Variants in FREM2 observed in about 807,000 individuals in gnomAD.
The protein encoded by FREM2 is FRAS1-related extracellular matrix protein 2.
A neutral mutation model predicts 219.9 loss-of-function variants in FREM2; 119 were observed. The ratio of observed to expected loss-of-function variants is 0.54; its 90% CI spans 0.47 to 0.63. The LOEUF is 0.63. Among genes scored for constraint, FREM2 ranks in the 30% least tolerant of loss-of-function variants. FREM2 has a pLI of 0.00. For missense variants in FREM2, 4,030 were observed against 3,993.6 expected, an observed-to-expected ratio of 1.01 and a Z score of -0.25; for synonymous variants, 1,562 against 1,522.8, an observed-to-expected ratio of 1.03 and a Z score of -0.60.
At chr13:38,802,464 C>T (rs2137852403) in intron 6 of FREM2, among the ~76,000 whole-genome samples, 1 of 152,258 alleles carries the variant, frequency 6.6e-6, no homozygotes, top group South Asian at 2.1e-4. Context: ...CACCTGTGGG[C>T]CTGCCACCAG....
At chr13:38,711,913 C>CTTTTT (rs1224297915) in intron 2 of FREM2, among the ~76,000 whole-genome samples, 7 of 107,552 alleles carry the variant, frequency 6.5e-5, no homozygotes, top group African/African-American at 2.7e-4. Context: ...CTGATAATTT[C>CTTTTT]TTTTTTTTTT....
intron 2 of FREM2, among the ~76,000 whole-genome samples, chr13:38,734,700 TA>T (rs147209270): frequency 0.056 from 8,236 of 148,372 alleles, 741 homozygotes; most frequent in African/African-American, 0.19. Flanking sequence ...TATATGTTCC[TA>T]AATGAAAATA....
At chr13:38,724,337 T>A (rs1465184729) in intron 2 of FREM2, among the ~76,000 whole-genome samples, 1 of 152,168 alleles carries the variant, frequency 6.6e-6, no homozygotes, top group African/African-American at 2.4e-5. Context: ...TATTTTGTGG[T>A]TTAAAGACAC....
At chr13:38,836,909 T>C (rs1876733162) in intron 6 of FREM2, among the ~76,000 whole-genome samples, 1 of 152,190 alleles carries the variant, frequency 6.6e-6, no homozygotes, top group Non-Finnish European at 1.5e-5. Flanking sequence ...CCTGGATACA[T>C]TGATTTTTTA....
intron 7 of FREM2, among the ~76,000 whole-genome samples, chr13:38,847,406 G>A (rs1016945345): frequency 6.6e-6 from 1 of 152,056 alleles, no homozygotes; most frequent in East Asian, 1.9e-4. Flanking sequence ...GCAAGCACAG[G>A]TTATACCATT....
At chr13:38,787,897 T>C (rs1874397231) in intron 6 of FREM2, among the ~76,000 whole-genome samples, 1 of 151,514 alleles carries the variant, frequency 6.6e-6, no homozygotes, top group Admixed American at 6.6e-5. Context: ...ACAAAGGAGG[T>C]GGCACAGGGA....
At chr13:38,844,168 C>T (rs1018099624) in intron 6 of FREM2, among the ~76,000 whole-genome samples, 12 of 152,156 alleles carry the variant, frequency 7.9e-5, no homozygotes, top group Non-Finnish European at 7.3e-5. Context: ...CTTCTTTCTA[C>T]AGGAGATAAC....
At chr13:38,708,991 C>T (rs908554996) in intron 2 of FREM2, among the ~76,000 whole-genome samples, 1 of 152,128 alleles carries the variant, frequency 6.6e-6, no homozygotes, top group Admixed American at 6.6e-5. Flanking sequence ...AACTCCTGAC[C>T]TCAGGTGATC....
At chr13:38,862,960 C>G (rs1300590205) in intron 15 of FREM2, among the ~76,000 whole-genome samples, 4 of 152,162 alleles carry the variant, frequency 2.6e-5, no homozygotes, top group Admixed American at 6.5e-5. Flanking sequence ...CCTCAGGGAC[C>G]ACAATGCTAA....
chr13:38,720,245 C>A (rs532156279), intron 2 of FREM2, among the ~76,000 whole-genome samples: 2 of 152,114 alleles, frequency 1.3e-5, no homozygotes, highest in South Asian at 2.1e-4. Context: ...AATTATTAAT[C>A]GTATTTACTA....
chr13:38,731,117 C>G (rs1871749935), intron 2 of FREM2, among the ~76,000 whole-genome samples: 1 of 152,102 alleles, frequency 6.6e-6, no homozygotes. Context: ...AAATTTTGTA[C>G]CTGAACATGC....
intron 6 of FREM2, among the ~76,000 whole-genome samples, chr13:38,799,780 G>A (rs549356704): frequency 6.6e-6 from 1 of 151,782 alleles, no homozygotes; most frequent in Admixed American, 6.6e-5. Flanking sequence ...CCTAATATAA[G>A]TATACCTACT....
intron 4 of FREM2, among the ~76,000 whole-genome samples, chr13:38,772,298 A>G (rs1873694922): frequency 6.6e-6 from 1 of 152,162 alleles, no homozygotes; most frequent in Non-Finnish European, 1.5e-5. Flanking sequence ...ACCACAGGGG[A>G]TGGGAAAGAG....
At chr13:38,745,399 A>C (rs564327420) in intron 2 of FREM2, among the ~76,000 whole-genome samples, 1 of 152,264 alleles carries the variant, frequency 6.6e-6, no homozygotes, top group South Asian at 2.1e-4. Context: ...CCCATACTTA[A>C]GAAAAGCTAT....
chr13:38,692,664 A>T (rs1184687098), intron 1 of FREM2, 147 bp downstream of exon 1: 2 of 914,318 alleles, frequency 2.2e-6, no homozygotes, highest in Non-Finnish European at 3.5e-6. Context: ...TCACTTTCCT[A>T]GGAGGACAGC....
chr13:38,879,382 CT>C (rs1438091991), intron 23 of FREM2, among the ~76,000 whole-genome samples: 2 of 152,140 alleles, frequency 1.3e-5, no homozygotes, highest in East Asian at 3.9e-4. Flanking sequence ...TTAGAGTGAT[CT>C]TGTGTGAACT....
chr13:38,878,769 G>A (rs1878440071), intron 22 of FREM2, 62 bp from the exon 23 acceptor site: 4 of 1,476,908 alleles, frequency 2.7e-6, no homozygotes, highest in Non-Finnish European at 3.8e-6. Flanking sequence ...AGAGAAACAT[G>A]CTGTCCTGGC....
intron 1 of FREM2, among the ~76,000 whole-genome samples, chr13:38,695,579 G>T (rs549533253): frequency 6.6e-6 from 1 of 152,290 alleles, no homozygotes; most frequent in South Asian, 2.1e-4. Context: ...AGAGCCTTTA[G>T]ATTTTCTTAT....
rs1878566592 is a variant in FREM2 at position 38,882,020 on chromosome 13, A to T, written c.*1233A>T. ...AAGAAGACATCGCTCTGGCATCCCC[A>T]GTTCAGTGAACTGGTACAATGTGGT... On this transcript the variant is annotated 3_prime_UTR_variant, in exon 24 of 24. Coordinates refer to ENST00000280481, the MANE Select transcript of FREM2 (RefSeq NM_207361.6). The T allele has an allele frequency of 6.6e-6, 1 of 152,166 alleles. No homozygotes were observed. Among genetic ancestry groups the T allele is most frequent in the African/African-American group, 2.4e-5 (1 of 41,450 alleles). 9.4% of individuals were successfully genotyped at this position (152,166 alleles called of 1,614,324 possible). A position where few individuals can be genotyped will look rare whatever the true frequency, so the allele number is the denominator to read the frequency against.
Sources: gnomAD v4.1 joint callset for allele counts (sites outside exome capture counted in the v4.1 genomes callset) on GRCh38, gnomAD v4.1.1 for gene constraint, MANE v1.5 for transcripts, NCBI Gene and HGNC (gene_info 2026-07-23, HGNC 2026-07-21) for gene names.